The following KCNG4 variants were observed in gnomAD, a reference collection of about 807,000 sequenced individuals.
KCNG4 encodes the protein potassium voltage-gated channel modifier subfamily G member 4.
KCNG4 carries 30 observed loss-of-function variants against 28.2 expected under a neutral mutation model. That is an observed-to-expected ratio of 1.06 (90% CI 0.80 to 1.44). The LOEUF (loss-of-function observed/expected upper bound fraction) is 1.44, where lower values mean the gene tolerates loss of function less well. Ranked by LOEUF, KCNG4 falls within the 40% of genes most tolerant of loss-of-function variation. The pLI, the probability that KCNG4 is intolerant of heterozygous loss-of-function variation, is 0.00. For synonymous variants in KCNG4, 375 were observed against 315.5 expected, an observed-to-expected ratio of 1.19 and a Z score of -2.00; for missense variants, 879 against 712.3, an observed-to-expected ratio of 1.23 and a Z score of -2.66.
intron 2 of KCNG4, among the ~76,000 whole-genome samples, chr16:84,233,774 T>G (rs1904878900): frequency 6.6e-6 from 1 of 150,662 alleles, no homozygotes; most frequent in Non-Finnish European, 1.5e-5. Context: ...AAAACGAGGG[T>G]AGGAAGAAAG....
At chr16:84,238,345 A>C (rs1042579407) in intron 1 of KCNG4, among the ~76,000 whole-genome samples, 1 of 152,214 alleles carries the variant, frequency 6.6e-6, no homozygotes, top group African/African-American at 2.4e-5. Flanking sequence ...GAATGTGACT[A>C]TGCTTAGCGA....
At position 84,226,472 on chromosome 16, in the gene KCNG4, T is replaced by G. The variant is rs1037750023; in HGVS notation, c.757-3452A>C. ...GTTTATTAAATTCTACACCTAGGAT[T>G]TGTGCATTTCAGTGTATGTACATTT... On this transcript the variant is annotated intron_variant, in intron 2 of 2. Coordinates refer to ENST00000308251, the MANE Select transcript of KCNG4 (RefSeq NM_172347.3). The surrounding 1 kb of genome is among the most constrained non-coding windows in gnomAD (Gnocchi z 4.1). Among the ~76,000 whole-genome samples, 3 of 152,150 alleles carry G rather than the reference T, an allele frequency of 2.0e-5. No individual in the cohort carries two copies. Among genetic ancestry groups the G allele is most frequent in the African/African-American group, 7.2e-5 (3 of 41,434 alleles).
At position 84,237,132 on chromosome 16, in the gene KCNG4, G is replaced by A. The variant is rs149792559; in HGVS notation, c.354C>T (p.Ser118=). The part of the protein sequence containing the change: ...SQEFFFDRSP[S]AFGVIVSFLA... ...GGAAGCTCACGATCACCCCGAAGGC[G>A]CTGGGGCTCCTGTCGAAGAAGAACT... The change falls in exon 2 of 3, where the codon AGC becomes AGT. Residue 118 remains serine, a synonymous_variant. Coordinates refer to ENST00000308251, the MANE Select transcript of KCNG4 (RefSeq NM_172347.3). The A allele has an allele frequency of 1.2e-5, 19 of 1,614,138 alleles. No homozygotes were observed. Among genetic ancestry groups the A allele is most frequent in the African/African-American group, 2.7e-5 (2 of 75,060 alleles).
In KCNG4 at chr16:84,220,895, C is replaced by T. The variant is rs1273555256; in HGVS notation, c.*1322G>A. On this transcript the variant is annotated 3_prime_UTR_variant, in exon 3 of 3. Transcript: ENST00000308251. ...TCCCTAACCCACAGCCTGTGCACAT[C>T]ACTCTGCCCTCCATAAAGCATTCAA... is the stretch of plus-strand genomic sequence containing the variant. 1 of 152,378 alleles carries T rather than the reference C, an allele frequency of 6.6e-6. No individual in the cohort carries two copies. The highest frequency in any genetic ancestry group is 1.5e-5 in the Non-Finnish European group (1 of 68,120). The allele number at this position is 152,378 out of a possible 1,614,324, so 9.4% of individuals were successfully genotyped here.
At chr16:84,234,883 C>T (rs1029064806) in intron 2 of KCNG4, among the ~76,000 whole-genome samples, 5 of 152,186 alleles carry the variant, frequency 3.3e-5, no homozygotes, top group Non-Finnish European at 7.3e-5. Flanking sequence ...ACTGCCCCGT[C>T]CTCAGCCTCC....
chr16:84,232,894 A>C (rs1904859100), intron 2 of KCNG4, among the ~76,000 whole-genome samples: 1 of 106,294 alleles, frequency 9.4e-6, no homozygotes, highest in African/African-American at 3.5e-5. Context: ...GTGAAACCCT[A>C]TCAAAAAAAA....
intron 1 of KCNG4, among the ~76,000 whole-genome samples, chr16:84,239,056 C>A (rs562042622): frequency 3.9e-5 from 6 of 152,290 alleles, no homozygotes; most frequent in Admixed American, 2.0e-4. Context: ...CTAGCCAAAG[C>A]CATTTCCAAA....
chr16:84,229,323 C>A (rs1904771621), intron 2 of KCNG4, among the ~76,000 whole-genome samples: 1 of 152,016 alleles, frequency 6.6e-6, no homozygotes, highest in South Asian at 2.1e-4. Context: ...AAGCAGCTGC[C>A]ACTGAGGGAG....
intron 2 of KCNG4, among the ~76,000 whole-genome samples, chr16:84,235,088 C>T (rs958812534): frequency 6.6e-6 from 1 of 152,284 alleles, no homozygotes; most frequent in South Asian, 2.1e-4. Context: ...ACTTTGGCTG[C>T]GCAGGTCTGC....
chr16:84,228,646 C>G (rs926905656), intron 2 of KCNG4, among the ~76,000 whole-genome samples: 2 of 146,040 alleles, frequency 1.4e-5, no homozygotes, highest in Non-Finnish European at 3.0e-5. Flanking sequence ...GTCCCCACTT[C>G]CCAACCCTGG....
chr16:84,236,954 G>A lies in KCNG4; in HGVS notation c.532C>T (p.Leu178=), dbSNP rs143972317. 1 of 1,613,580 alleles carries A rather than the reference G, an allele frequency of 6.2e-7. No homozygotes were observed. Among genetic ancestry groups the A allele is most frequent in the Non-Finnish European group, 8.5e-7 (1 of 1,179,946 alleles). The change falls in exon 2 of 3, where the codon CTG becomes TTG. Residue 178 remains leucine, a synonymous_variant. Coordinates refer to ENST00000308251, the MANE Select transcript of KCNG4 (RefSeq NM_172347.3). ...KLEELEELAK[L]HREDVLRQQR... ...TGCCTCAGTACGTCCTCCCTGTGCAGCTTGGCCAGCTCCTCCAGCTCCTCC... is the reference window on the plus strand; with the variant it reads ...TGCCTCAGTACGTCCTCCCTGTGCAACTTGGCCAGCTCCTCCAGCTCCTCC...
chr16:84,222,424 C>T lies in KCNG4; in HGVS notation c.1353G>A (p.Thr451=), dbSNP rs113215329. 9.4e-4 allele frequency: 1,522 copies of T among 1,614,150 alleles called. 6 individuals carry two copies. The highest frequency in any genetic ancestry group is 2.6e-3 in the Middle Eastern group (16 of 6,062). Residue 451 remains threonine, a synonymous_variant, in exon 3 of 3, where the codon ACG becomes ACA. Transcript: ENST00000308251. ...SGILIMAFPA[T]SIFHTFSHSY... ...AGTGGGAGAAGGTGTGGAAGATAGA[C>T]GTGGCCGGGAAGGCCATGATGAGGA...
intron 2 of KCNG4, among the ~76,000 whole-genome samples, chr16:84,228,604 C>A (rs947968365): frequency 1.3e-5 from 2 of 152,028 alleles, no homozygotes; most frequent in Admixed American, 1.3e-4. Flanking sequence ...CAGGTCTCCC[C>A]GCCACCCCCC....
rs147792907 is a variant in KCNG4, at chr16:84,226,249, G to T, written c.757-3229C>A. On this transcript the variant is annotated intron_variant, in intron 2 of 2. Coordinates refer to ENST00000308251, the MANE Select transcript of KCNG4 (RefSeq NM_172347.3). This position sits in a 1 kb window ranked among gnomAD's most constrained non-coding sequence, Gnocchi z 4.1. The stretch of plus-strand genomic sequence containing the variant: ...CGATGAATCCCACAGGCATGATGTG[G>T]AGCAAAGCAAGCCGGGTGTGTGTTT... 3.3e-3 allele frequency among the ~76,000 whole-genome samples: 510 copies of T among 152,322 alleles called. 4 individuals are homozygous for T. The highest frequency in any genetic ancestry group is 0.011 in the African/African-American group (478 of 41,568).
Position 84,226,691 on chromosome 16 carries a change from C to A in KCNG4, c.757-3671G>T, listed in dbSNP as rs1164709390. 8.7e-6 allele frequency among the ~76,000 whole-genome samples: 1 copy of A among 114,994 alleles called. No individual in the cohort carries two copies. The highest frequency in any genetic ancestry group is 2.0e-5 in the Non-Finnish European group (1 of 49,622). 75.4% of individuals were successfully genotyped at this position (114,994 alleles called of 152,430 possible). On this transcript the variant is annotated intron_variant, in intron 2 of 2. Transcript: ENST00000308251. The surrounding 1 kb of genome is among the most constrained non-coding windows in gnomAD (Gnocchi z 4.1). ...GTCAGGAGTTCGAGACCAGCCTGAC[C>A]AATATGGTGAAACCTTGTCGCTACT...
At chr16:84,225,299 A>C (rs1904672118) in intron 2 of KCNG4, among the ~76,000 whole-genome samples, 1 of 151,612 alleles carries the variant, frequency 6.6e-6, no homozygotes, top group African/African-American at 2.4e-5. Flanking sequence ...CCCTGCTACA[A>C]ACTTGCTGTG....
chr16:84,230,074 GA>G (rs1358662316), intron 2 of KCNG4, among the ~76,000 whole-genome samples: 1 of 151,984 alleles, frequency 6.6e-6, no homozygotes, highest in African/African-American at 2.4e-5. Flanking sequence ...GCATCCCGGG[GA>G]GGAGGCCCCA....
chr16:84,232,616 G>T (rs989000617), intron 2 of KCNG4, among the ~76,000 whole-genome samples: 2 of 152,066 alleles, frequency 1.3e-5, no homozygotes, highest in South Asian at 4.1e-4. Context: ...ATGAAGCAGG[G>T]GGCTGGGGTG....
rs570136366 is a variant in KCNG4, at chr16:84,237,333, G to A, written c.153C>T (p.Asp51=). 232 of 1,578,506 alleles carry A rather than the reference G, an allele frequency of 1.5e-4. 2 individuals are homozygous for A. In the South Asian group the frequency reaches 2.2e-3, roughly 15 times the overall value. The change falls in exon 2 of 3, where the codon GAC becomes GAT. Residue 51 remains aspartate, a synonymous_variant. Coordinates refer to ENST00000308251, the MANE Select transcript of KCNG4 (RefSeq NM_172347.3). ...CCTTCTTCAGGTCCACTGGGGAGGC[G>A]TCCAGGGCACCCACCTTCCGCACCC... is the stretch of plus-strand genomic sequence containing the variant. ...YRRVRKVGAL[D]ASPVDLKKEI...
Sources: gnomAD v4.1 joint callset for allele counts (sites outside exome capture counted in the v4.1 genomes callset) on GRCh38, gnomAD v4.1.1 for gene constraint, Gnocchi (gnomAD v3.1) non-coding constraint, MANE v1.5 for transcripts, NCBI Gene and HGNC (gene_info 2026-07-23, HGNC 2026-07-21) for gene names.